Variants in ATP8A2 observed in about 807,000 individuals in gnomAD.
The protein encoded by ATP8A2 is phospholipid-transporting ATPase IB.
Under a neutral mutation model 165.6 loss-of-function variants are expected in ATP8A2, and 100 were observed. The observed-to-expected ratio is 0.60, with a 90% CI of 0.51 to 0.71. The LOEUF is 0.71. Ranked by LOEUF, ATP8A2 falls within the 30% of genes least tolerant of loss-of-function variation. The probability of loss-of-function intolerance (pLI) is 0.00; values close to 1 mark genes in which losing one functional copy is unlikely to be tolerated. For synonymous variants in ATP8A2, 543 were observed against 548.8 expected (o/e 0.99, Z 0.15); for missense variants, 1,227 against 1,479.5 (o/e 0.83, Z 2.80).
At chr13:25,826,522 G>T (rs1478961382) in intron 27 of ATP8A2, among the ~76,000 whole-genome samples, 1 of 152,152 alleles carries the variant, frequency 6.6e-6, no homozygotes, top group African/African-American at 2.4e-5. Context: ...TTCAAGAAAC[G>T]CAGTCTGGTG....
chr13:25,719,275 TCA>T (rs1421841778), intron 25 of ATP8A2, among the ~76,000 whole-genome samples: 1 of 146,246 alleles, frequency 6.8e-6, no homozygotes, highest in Non-Finnish European at 1.5e-5. Context: ...ATTGATTGAT[TCA>T]CAGAGGAGAA....
intron 24 of ATP8A2, among the ~76,000 whole-genome samples, chr13:25,644,880 C>T (rs769800768): frequency 5.9e-5 from 9 of 151,970 alleles, no homozygotes; most frequent in Admixed American, 2.0e-4. Flanking sequence ...TTTGGATTTC[C>T]GTGCTGTCAG....
intron 25 of ATP8A2, among the ~76,000 whole-genome samples, chr13:25,735,500 A>G (rs1283500488): frequency 1.3e-5 from 2 of 152,008 alleles, no homozygotes; most frequent in Non-Finnish European, 2.9e-5. Context: ...GGCTCAAGTG[A>G]TCTTCCTACC....
intron 1 of ATP8A2, among the ~76,000 whole-genome samples, chr13:25,444,036 C>G (rs980766065): frequency 1.3e-5 from 2 of 152,170 alleles, no homozygotes; most frequent in Non-Finnish European, 2.9e-5. Flanking sequence ...AAAATATAGC[C>G]TAGTTCCATT....
At chr13:25,749,305 G>A (rs933025464) in intron 25 of ATP8A2, among the ~76,000 whole-genome samples, 2 of 152,152 alleles carry the variant, frequency 1.3e-5, no homozygotes, top group African/African-American at 4.8e-5. Flanking sequence ...AGTGGAGGAG[G>A]GGGAAGTGAA....
rs73487909 is a variant in ATP8A2 at position 25,604,051 on chromosome 13, G to A, written c.2211+14352G>A. Among the ~76,000 whole-genome samples, 575 of 151,892 alleles carry A rather than the reference G, an allele frequency of 3.8e-3. 4 individuals carry two copies. The highest frequency in any genetic ancestry group is 0.013 in the African/African-American group (538 of 41,408). ...AGCTCTTGTGGGTGGTGGGGTGGGG[G>A]GTACTTCATTGTTTAAAAGTTTGAG... On this transcript the variant is annotated intron_variant, in intron 24 of 36. Coordinates refer to ENST00000381655, the MANE Select transcript of ATP8A2 (RefSeq NM_016529.6).
At chr13:25,715,317 G>A (rs888550141) in intron 25 of ATP8A2, among the ~76,000 whole-genome samples, 3 of 152,134 alleles carry the variant, frequency 2.0e-5, no homozygotes, top group Non-Finnish European at 2.9e-5. Flanking sequence ...GGTCAGATTT[G>A]TATTTTTAAA....
At chr13:26,010,089 T>C (rs1956812384) in intron 35 of ATP8A2, among the ~76,000 whole-genome samples, 1 of 151,834 alleles carries the variant, frequency 6.6e-6, no homozygotes, top group African/African-American at 2.4e-5. Context: ...AAAAATTAAT[T>C]ATAAAAAAAG....
At chr13:25,865,122 A>T (rs993082124) in intron 33 of ATP8A2, among the ~76,000 whole-genome samples, 4 of 152,202 alleles carry the variant, frequency 2.6e-5, no homozygotes, top group Non-Finnish European at 4.4e-5. Context: ...GCTGTCATAA[A>T]AAAGAGGAAC....
intron 1 of ATP8A2, among the ~76,000 whole-genome samples, chr13:25,428,880 G>A (rs925205911): frequency 6.6e-6 from 1 of 152,156 alleles, no homozygotes; most frequent in Non-Finnish European, 1.5e-5. Context: ...GTCCAGCCTG[G>A]ACATGTGTCA....
rs1419392699 is a variant in ATP8A2, at chr13:26,021,228, AGAG to A, written c.*1249_*1251del. 1 of 152,406 alleles carries A rather than the reference AGAG, an allele frequency of 6.6e-6. No individual in the cohort carries two copies. The highest frequency in any genetic ancestry group is 1.5e-5 in the Non-Finnish European group (1 of 68,144). 9.4% of individuals were successfully genotyped at this position (152,406 alleles called of 1,614,324 possible). A position where few individuals can be genotyped will look rare whatever the true frequency, so the allele number is the denominator to read the frequency against. On this transcript the variant is annotated 3_prime_UTR_variant, in exon 37 of 37. Transcript: ENST00000381655. Reference sequence around the variant, plus strand: ...GAGAAGGAAGGACACGGAGACACTGAGAGGAGGACACAGAGGAATCGCCACCAG... The same window carrying A: ...GAGAAGGAAGGACACGGAGACACTGAGAGGACACAGAGGAATCGCCACCAG...
chr13:25,668,933 A>G (rs1348486061), intron 24 of ATP8A2, among the ~76,000 whole-genome samples: 1 of 152,150 alleles, frequency 6.6e-6, no homozygotes, highest in Non-Finnish European at 1.5e-5. Context: ...ATTTGCTTAT[A>G]CATTGCTTTC....
chr13:25,744,327 C>T (rs1173369805), intron 25 of ATP8A2, among the ~76,000 whole-genome samples: 2 of 151,902 alleles, frequency 1.3e-5, no homozygotes, highest in Non-Finnish European at 2.9e-5. Flanking sequence ...CACTCACCAC[C>T]CCCCCGTGTG....
At chr13:25,851,438 C>T (rs1952005572) in intron 30 of ATP8A2, among the ~76,000 whole-genome samples, 1 of 152,096 alleles carries the variant, frequency 6.6e-6, no homozygotes, top group Admixed American at 6.5e-5. Flanking sequence ...CAAAAGTTAG[C>T]CAGGCATGGT....
chr13:25,490,277 GGT>G (rs2036484202), intron 2 of ATP8A2, among the ~76,000 whole-genome samples: 1 of 152,218 alleles, frequency 6.6e-6, no homozygotes, highest in Admixed American at 6.5e-5. Flanking sequence ...TGAGCCGTAA[GGT>G]GGGTGCTTCA....
intron 22 of ATP8A2, among the ~76,000 whole-genome samples, chr13:25,580,916 CT>C (rs976615282): frequency 6.6e-6 from 1 of 151,844 alleles, no homozygotes; most frequent in African/African-American, 2.4e-5. Context: ...TTCTCCTCTG[CT>C]TTTTTTTACT....
At chr13:25,838,475 T>C (rs1431782001) in intron 29 of ATP8A2, among the ~76,000 whole-genome samples, 1 of 152,210 alleles carries the variant, frequency 6.6e-6, no homozygotes, top group Non-Finnish European at 1.5e-5. Flanking sequence ...ATCCATTTTC[T>C]ACAGAATTTG....
chr13:25,538,395 A>G (rs908151219), intron 7 of ATP8A2, among the ~76,000 whole-genome samples: 2 of 152,156 alleles, frequency 1.3e-5, no homozygotes, highest in Non-Finnish European at 2.9e-5. Flanking sequence ...CTGAGATTTC[A>G]GAATCTGTTT....
chr13:25,516,071 T>A (rs1414752556), intron 2 of ATP8A2, among the ~76,000 whole-genome samples: 3 of 152,214 alleles, frequency 2.0e-5, no homozygotes, highest in Admixed American at 6.5e-5. Flanking sequence ...CGGATAGATA[T>A]GGCTTTCTAC....
Sources: allele counts gnomAD v4.1 joint callset (sites outside exome capture counted in the v4.1 genomes callset), GRCh38; gene constraint gnomAD v4.1.1; transcripts MANE v1.5; gene names NCBI Gene and HGNC (gene_info 2026-07-23, HGNC 2026-07-21).